The following UTRN variants were observed in gnomAD, a reference collection of about 807,000 sequenced individuals.
The protein encoded by UTRN is utrophin.
UTRN carries 283 observed loss-of-function variants against 463.9 expected under a neutral mutation model. The observed-to-expected ratio is 0.61, with a 90% CI of 0.55 to 0.67. UTRN has a LOEUF of 0.67. UTRN is among the 30% of genes least tolerant of loss of function. The pLI, the probability that UTRN is intolerant of heterozygous loss-of-function variation, is 0.00. For missense variants in UTRN, 3,922 were observed against 4,084.3 expected, an observed-to-expected ratio of 0.96 and a Z score of 1.08; for synonymous variants, 1,442 against 1,431.5, an observed-to-expected ratio of 1.01 and a Z score of -0.17.
intron 51 of UTRN, among the ~76,000 whole-genome samples, chr6:144,593,213 A>G (rs1268944489): frequency 6.6e-6 from 1 of 152,190 alleles, no homozygotes; most frequent in Non-Finnish European, 1.5e-5. Context: ...TGCACAAACA[A>G]AGCAACAAAA....
chr6:144,435,870 T>C (rs1786487697), intron 9 of UTRN, 65 bp from the exon 10 acceptor site: 1 of 1,559,744 alleles, frequency 6.4e-7, no homozygotes, highest in African/African-American at 1.4e-5. Context: ...CCATACAGTG[T>C]GAGTTTGCTG....
intron 54 of UTRN, among the ~76,000 whole-genome samples, chr6:144,741,543 T>C (rs1790086883): frequency 6.6e-6 from 1 of 152,192 alleles, no homozygotes; most frequent in Non-Finnish European, 1.5e-5. Flanking sequence ...GATGTTTTTT[T>C]CCTCCTGAAA....
chr6:144,601,520 G>A (rs1804249010), intron 51 of UTRN, among the ~76,000 whole-genome samples: 1 of 152,170 alleles, frequency 6.6e-6, no homozygotes, highest in Admixed American at 6.5e-5. Flanking sequence ...GCCTGAGGAT[G>A]GGAATGAATT....
intron 51 of UTRN, among the ~76,000 whole-genome samples, chr6:144,622,408 A>G (rs1486718412): frequency 6.6e-6 from 1 of 151,976 alleles, no homozygotes; most frequent in Non-Finnish European, 1.5e-5. Context: ...GCTGGTATCT[A>G]ACTCCTGACC....
rs75600898 is a variant in UTRN, at chr6:144,529,417, C to T, written c.5907-1635C>T. Among the ~76,000 whole-genome samples the T allele has an allele frequency of 4.9e-3, 745 of 152,346 alleles. 6 individuals carry two copies. The highest frequency in any genetic ancestry group is 0.01 in the Middle Eastern group (3 of 294). On this transcript the variant is annotated intron_variant, in intron 41 of 74. Coordinates refer to ENST00000367545, the MANE Select transcript of UTRN (RefSeq NM_007124.3). The stretch of plus-strand genomic sequence containing the variant: ...AAAGTCCACTATGTGTCTGCACATG[C>T]TGCTGTTTGTCTGAGTGGGAGCTGC...
intron 51 of UTRN, among the ~76,000 whole-genome samples, chr6:144,630,766 G>A (rs531355367): frequency 1.3e-5 from 2 of 151,946 alleles, no homozygotes; most frequent in Admixed American, 6.6e-5. Flanking sequence ...ATGTTTCCTC[G>A]GTTTGTAGTC....
chr6:144,523,957 C>A (rs1796345425), intron 41 of UTRN, among the ~76,000 whole-genome samples: 5 of 152,038 alleles, frequency 3.3e-5, no homozygotes, highest in Admixed American at 2.6e-4. Context: ...GAAATGAAAA[C>A]AGGCAAGATT....
At chr6:144,417,617 T>C (rs1452017461) in intron 3 of UTRN, among the ~76,000 whole-genome samples, 5 of 152,228 alleles carry the variant, frequency 3.3e-5, no homozygotes, top group African/African-American at 1.2e-4. Context: ...AGAATGGTTT[T>C]TACAGCTTTA....
chr6:144,772,118 C>CGA (rs1333236665), intron 59 of UTRN, 150 bp downstream of exon 59: 4 of 480,322 alleles, frequency 8.3e-6, no homozygotes, highest in Non-Finnish European at 1.3e-5. Flanking sequence ...ACTGCAACCT[C>CGA]TGCCTCCCGG....
intron 2 of UTRN, among the ~76,000 whole-genome samples, chr6:144,340,032 T>G (rs2114627596): frequency 6.6e-6 from 1 of 152,340 alleles, no homozygotes; most frequent in South Asian, 2.1e-4. Flanking sequence ...CCGGGCATGG[T>G]GGTGCCCACC....
At chr6:144,420,020 C>T (rs1038272983) in intron 3 of UTRN, among the ~76,000 whole-genome samples, 3 of 151,698 alleles carry the variant, frequency 2.0e-5, no homozygotes, top group Admixed American at 6.6e-5. Flanking sequence ...TAAGGAATCA[C>T]GAGGGAAGGA....
chr6:144,746,175 G>A (rs928787318), intron 54 of UTRN, among the ~76,000 whole-genome samples: 4 of 151,676 alleles, frequency 2.6e-5, no homozygotes, highest in Non-Finnish European at 5.9e-5. Flanking sequence ...TAATTTTTTC[G>A]TATTTTTAAT....
At chr6:144,495,958 G>A (rs1205779441) in intron 33 of UTRN, among the ~76,000 whole-genome samples, 1 of 152,050 alleles carries the variant, frequency 6.6e-6, no homozygotes, top group Middle Eastern at 3.2e-3. Context: ...ACAGTCTACC[G>A]AGAAATGTTA....
intron 49 of UTRN, 48 bp downstream of exon 49, chr6:144,554,941 C>A (rs1562567093): frequency 1.3e-6 from 2 of 1,590,064 alleles, no homozygotes; most frequent in Admixed American, 1.7e-5. Flanking sequence ...GTTGGATATA[C>A]TTTTTTTCTA....
intron 51 of UTRN, among the ~76,000 whole-genome samples, chr6:144,666,771 A>G (rs974125320): frequency 6.6e-6 from 1 of 152,190 alleles, no homozygotes; most frequent in African/African-American, 2.4e-5. Context: ...ACATGAACAT[A>G]TGATCACTGG....
At chr6:144,334,302 T>G (rs1216408347) in intron 2 of UTRN, among the ~76,000 whole-genome samples, 1 of 124,048 alleles carries the variant, frequency 8.1e-6, no homozygotes, top group Non-Finnish European at 1.6e-5. Context: ...CCTCCCTCTT[T>G]CCGGTGTGTG....
intron 51 of UTRN, among the ~76,000 whole-genome samples, chr6:144,647,377 A>T (rs988577571): frequency 6.6e-6 from 1 of 152,222 alleles, no homozygotes; most frequent in Non-Finnish European, 1.5e-5. Context: ...AGAGGAGTTT[A>T]TTTGAAAATA....
intron 54 of UTRN, among the ~76,000 whole-genome samples, chr6:144,740,246 A>G (rs547985273): frequency 7.4e-4 from 113 of 152,358 alleles, no homozygotes; most frequent in African/African-American, 2.5e-3. Flanking sequence ...TAGCTATTCA[A>G]TAGAAACAAC....
intron 2 of UTRN, among the ~76,000 whole-genome samples, chr6:144,324,550 C>T (rs1258128506): frequency 6.6e-6 from 1 of 152,118 alleles, no homozygotes; most frequent in East Asian, 1.9e-4. Context: ...GCAAGACTAC[C>T]TTTTGGAATT....
Sources: gnomAD v4.1 joint callset for allele counts (sites outside exome capture counted in the v4.1 genomes callset) on GRCh38, gnomAD v4.1.1 for gene constraint, MANE v1.5 for transcripts, NCBI Gene and HGNC (gene_info 2026-07-23, HGNC 2026-07-21) for gene names.